Variants in NR2C2 observed in about 807,000 individuals in gnomAD.
NR2C2 encodes the protein Nuclear hormone receptor TR4.
In NR2C2, 6 loss-of-function variants were observed where a neutral mutation model predicts 62.9. The observed-to-expected ratio is 0.10, with a 90% CI of 0.05 to 0.19. The LOEUF (loss-of-function observed/expected upper bound fraction) is 0.19, where lower values mean the gene tolerates loss of function less well. NR2C2 is among the 10% of genes least tolerant of loss of function. NR2C2 has a pLI of 1.00. For synonymous variants in NR2C2, 272 were observed against 273.8 expected (o/e 0.99, Z 0.07); for missense variants, 479 against 762.7 (o/e 0.63, Z 4.38).
At position 15,048,699 on chromosome 3, in the gene NR2C2, A is replaced by G. The variant is rs940216604; in HGVS notation, c.*5691A>G. On this transcript the variant is annotated 3_prime_UTR_variant, in exon 14 of 14. Coordinates refer to ENST00000425241, the MANE Select transcript of NR2C2 (RefSeq NM_001291694.2). ...TGCCACACACAACTCAAGTGCTGGA[A>G]TATTTTTCTACAGTCTCTCTGTTCT... is the stretch of plus-strand genomic sequence containing the variant. 2 of 152,660 alleles carry G rather than the reference A, an allele frequency of 1.3e-5. No homozygotes were observed. The highest frequency in any genetic ancestry group is 2.9e-5 in the Non-Finnish European group (2 of 68,048). The allele number at this position is 152,660 out of a possible 1,614,324, so 9.5% of individuals were successfully genotyped here. A position where few individuals can be genotyped will look rare whatever the true frequency, so the allele number is the denominator to read the frequency against.
intron 7 of NR2C2, 134 bp from the exon 8 acceptor site, chr3:15,028,452 C>T (rs1049318118): frequency 1.4e-6 from 1 of 702,142 alleles, no homozygotes; most frequent in Non-Finnish European, 2.3e-6. Context: ...AAAAGATCTT[C>T]CTCGTGTTGC....
chr3:15,034,644 A>G (rs2042060327), intron 10 of NR2C2, 26 bp from the exon 11 acceptor site: 2 of 1,609,860 alleles, frequency 1.2e-6, no homozygotes, highest in Non-Finnish European at 1.7e-6. Context: ...CACACACCAC[A>G]CTCAGACTCC....
In NR2C2 at chr3:15,037,970, T is replaced by C. The variant is rs967801768; in HGVS notation, c.1373-30T>C. ...GCTGGTTTTATTGTTCTTACCAGCC[T>C]TTCTCAGGATCTGTGATGTTGGTTT... On this transcript the variant is annotated intron_variant, in intron 11 of 13. Transcript: ENST00000425241. 1.4e-5 allele frequency: 22 copies of C among 1,602,396 alleles called. No homozygotes were observed. The East Asian group carries it at 2.0e-4, about 15-fold the overall frequency.
Position 15,049,140 on chromosome 3 carries a change from G to C in NR2C2, c.*6132G>C, listed in dbSNP as rs541278999. On this transcript the variant is annotated 3_prime_UTR_variant, in exon 14 of 14. Coordinates refer to ENST00000425241, the MANE Select transcript of NR2C2 (RefSeq NM_001291694.2). The stretch of plus-strand genomic sequence containing the variant: ...AAGAAGAATTTGCATTGTTGTGTTT[G>C]TATATAGAGTATTGCAGTGCATGAA... 1 of 152,714 alleles carries C rather than the reference G, an allele frequency of 6.5e-6. No homozygotes were observed. The highest frequency in any genetic ancestry group is 6.5e-5 in the Admixed American group (1 of 15,296). 9.5% of individuals were successfully genotyped at this position (152,714 alleles called of 1,614,324 possible). A position where few individuals can be genotyped will look rare whatever the true frequency, so the allele number is the denominator to read the frequency against.
intron 1 of NR2C2, among the ~76,000 whole-genome samples, chr3:14,953,879 T>C (rs931747978): frequency 2.8e-5 from 4 of 140,374 alleles, no homozygotes; most frequent in Non-Finnish European, 4.5e-5. Context: ...TGGGCGACAG[T>C]GCGAGACTTC....
intron 1 of NR2C2, chr3:14,959,223 C>CT (rs2039620398): frequency 6.6e-6 from 1 of 152,160 alleles, no homozygotes; most frequent in Non-Finnish European, 1.5e-5. Context: ...CTGATGTTAC[C>CT]TTTTTTGTCT....
At chr3:15,016,352 A>T in intron 4 of NR2C2, 98 bp downstream of exon 4, 1 of 806,726 alleles carries the variant, frequency 1.2e-6, no homozygotes, top group Non-Finnish European at 2.1e-6. Flanking sequence ...GGACCATTTT[A>T]TGTACGTTTG....
intron 1 of NR2C2, among the ~76,000 whole-genome samples, chr3:14,969,707 C>G (rs577257660): frequency 1.3e-5 from 2 of 152,268 alleles, no homozygotes; most frequent in South Asian, 4.1e-4. Context: ...CTTTACAACC[C>G]TTTTCCTTGA....
intron 1 of NR2C2, among the ~76,000 whole-genome samples, chr3:14,951,768 T>C (rs568194931): frequency 6.6e-6 from 1 of 152,188 alleles, no homozygotes; most frequent in South Asian, 2.1e-4. Context: ...TTTTTTGTTT[T>C]TGGGAGTCTC....
chr3:15,040,457 C>T (rs1011590605), intron 13 of NR2C2, among the ~76,000 whole-genome samples: 3 of 152,234 alleles, frequency 2.0e-5, no homozygotes, highest in Non-Finnish European at 4.4e-5. Flanking sequence ...GTGTCCTCTG[C>T]ACAGACCTCA....
intron 1 of NR2C2, among the ~76,000 whole-genome samples, chr3:14,950,891 A>G (rs2039336545): frequency 1.3e-5 from 2 of 152,238 alleles, no homozygotes; most frequent in Admixed American, 1.3e-4. Flanking sequence ...TAGCACTGCC[A>G]GCAATAATAA....
chr3:15,032,588 A>C, intron 10 of NR2C2, 88 bp downstream of exon 10: 3 of 1,515,906 alleles, frequency 2.0e-6, no homozygotes, highest in Non-Finnish European at 2.7e-6. Flanking sequence ...GGGCCTGTCT[A>C]GTTTGACTGT....
intron 1 of NR2C2, among the ~76,000 whole-genome samples, chr3:14,999,600 G>T (rs2040930829): frequency 6.6e-6 from 1 of 151,956 alleles, no homozygotes; most frequent in South Asian, 2.1e-4. Context: ...AGTTCACGAA[G>T]ATTTACACCT....
At chr3:14,957,322 T>G (rs888095066) in intron 1 of NR2C2, among the ~76,000 whole-genome samples, 4 of 152,328 alleles carry the variant, frequency 2.6e-5, no homozygotes, top group African/African-American at 9.6e-5. Flanking sequence ...AACTGGAGAT[T>G]CAGGTGTTTC....
At chr3:14,970,236 G>A (rs1012259476) in intron 1 of NR2C2, among the ~76,000 whole-genome samples, 2 of 122,724 alleles carry the variant, frequency 1.6e-5, no homozygotes, top group East Asian at 2.8e-4. Context: ...TTGATTTATC[G>A]GGCTTAGATA....
At chr3:14,955,927 C>T (rs1342217011) in intron 1 of NR2C2, among the ~76,000 whole-genome samples, 1 of 152,238 alleles carries the variant, frequency 6.6e-6, no homozygotes, top group Non-Finnish European at 1.5e-5. Context: ...AGCCACTTCT[C>T]TTCCCTACTA....
chr3:14,998,665 ATT>A (rs1553641376), intron 1 of NR2C2, among the ~76,000 whole-genome samples: 1 of 151,300 alleles, frequency 6.6e-6, no homozygotes, highest in African/African-American at 2.4e-5. Context: ...TTTTTCCCCC[ATT>A]TTATAGGTTG....
chr3:14,973,190 CAAG>C (rs1482592841), intron 1 of NR2C2, among the ~76,000 whole-genome samples: 1 of 152,142 alleles, frequency 6.6e-6, no homozygotes, highest in Admixed American at 6.5e-5. Flanking sequence ...GTGTCATAAT[CAAG>C]AAATTATCGC....
At chr3:14,952,325 T>TCTC (rs145183472) in intron 1 of NR2C2, among the ~76,000 whole-genome samples, 2,410 of 152,324 alleles carry the variant, frequency 0.016, 68 homozygotes, top group African/African-American at 0.054. Context: ...GAGCCACTGG[T>TCTC]CTGTGTCTAG....
Sources: gnomAD v4.1 joint callset for allele counts (sites outside exome capture counted in the v4.1 genomes callset) on GRCh38, gnomAD v4.1.1 for gene constraint, MANE v1.5 for transcripts, NCBI Gene and HGNC (gene_info 2026-07-23, HGNC 2026-07-21) for gene names.